The following UMPS variants were observed in gnomAD, a reference collection of about 807,000 sequenced individuals.
The protein encoded by UMPS is uridine 5'-monophosphate synthase.
In UMPS, 21 loss-of-function variants were observed where a neutral mutation model predicts 38.9. The ratio of observed to expected loss-of-function variants is 0.54; its 90% CI spans 0.38 to 0.78. The LOEUF is 0.78. Ranked by LOEUF, UMPS falls within the 30% of genes least tolerant of loss-of-function variation. UMPS has a pLI of 0.00. For missense variants in UMPS, 533 were observed against 591.6 expected (o/e 0.90, Z 1.03); for synonymous variants, 208 against 219.3 (o/e 0.95, Z 0.45).
chr3:124,742,426 G>A (rs2063563521), intron 5 of UMPS, 160 bp downstream of exon 5: 1 of 641,694 alleles, frequency 1.6e-6, no homozygotes, highest in Non-Finnish European at 2.8e-6. Context: ...CTTTGGACAA[G>A]TCAGTTTACT....
intron 1 of UMPS, among the ~76,000 whole-genome samples, chr3:124,733,123 G>A (rs1203454026): frequency 6.6e-6 from 1 of 152,074 alleles, no homozygotes; most frequent in Non-Finnish European, 1.5e-5. Context: ...TATAATTTAT[G>A]CTAAACTCTA....
chr3:124,733,973 A>G (rs2063498861), intron 1 of UMPS, among the ~76,000 whole-genome samples: 1 of 152,250 alleles, frequency 6.6e-6, no homozygotes, highest in African/African-American at 2.4e-5. Context: ...AGTTGGAAAA[A>G]GATGTAAAAA....
chr3:124,739,998 A>G (rs373307880), intron 3 of UMPS, 26 bp from the exon 4 acceptor site: 1 of 1,613,468 alleles, frequency 6.2e-7, no homozygotes. Flanking sequence ...AAATCAGCAA[A>G]TATCTTTTTT....
In UMPS at chr3:124,747,751, G is replaced by T; in HGVS notation, c.*3667G>T. On this transcript the variant is annotated 3_prime_UTR_variant, in exon 6 of 6. Transcript: ENST00000232607. ...TGGTTACCAGGAAGACAAAAACTGG[G>T]CTCCACCAGGAACCAGTCTTCTGCC... 1 of 452,072 alleles carries T rather than the reference G, an allele frequency of 2.2e-6. No individual in the cohort carries two copies. The highest frequency in any genetic ancestry group is 7.0e-5 in the East Asian group (1 of 14,320). The allele number at this position is 452,072 out of a possible 1,614,324, so 28.0% of individuals were successfully genotyped here.
At chr3:124,738,351 G>A (rs113699008) in intron 3 of UMPS, 112 bp downstream of exon 3, 98 of 1,203,450 alleles carry the variant, frequency 8.1e-5, no homozygotes, top group African/African-American at 3.6e-4. Context: ...GCTGTCAAGC[G>A]TGGTTGGATC....
chr3:124,733,136 T>C (rs1056492494), intron 1 of UMPS, among the ~76,000 whole-genome samples: 5 of 152,156 alleles, frequency 3.3e-5, no homozygotes, highest in Non-Finnish European at 5.9e-5. Flanking sequence ...AAACTCTAAC[T>C]TCCCTTAATA....
At position 124,730,536 on chromosome 3, in the gene UMPS, A is replaced by G; in HGVS notation, c.65A>G (p.Lys22Arg). The change falls in exon 1 of 6, where the codon AAG becomes AGG. Residue 22 changes from lysine to arginine, a missense_variant. Transcript: ENST00000232607. The part of the protein sequence containing the change: ...VTGLYDVQAF[K>R]FGDFVLKSGL... ...GGTCTGTACGACGTGCAGGCTTTCAAGTTTGGGGACTTCGTGCTGAAGAGC... is the reference window on the plus strand; with the variant it reads ...GGTCTGTACGACGTGCAGGCTTTCAGGTTTGGGGACTTCGTGCTGAAGAGC... 6.2e-7 allele frequency: 1 copy of G among 1,614,078 alleles called. No individual in the cohort carries two copies. Among genetic ancestry groups the G allele is most frequent in the Non-Finnish European group, 8.5e-7 (1 of 1,179,962 alleles).
rs3836305 is a variant in UMPS at position 124,744,139 on chromosome 3, CT to C, written c.*56del. On this transcript the variant is annotated 3_prime_UTR_variant, in exon 6 of 6. Transcript: ENST00000232607. ...GTGAAGACATTGAAGATATGTGGTCCTCCTGAAAGTCACTGGCTGGAAATAA... is the reference window on the plus strand; with the variant it reads ...GTGAAGACATTGAAGATATGTGGTCCCCTGAAAGTCACTGGCTGGAAATAA... 0.12 allele frequency: 193,770 copies of C among 1,600,284 alleles called. 12,656 individuals are homozygous for C. The highest frequency in any genetic ancestry group is 0.17 in the South Asian group (15,237 of 90,232).
At chr3:124,738,354 G>A in intron 3 of UMPS, 115 bp downstream of exon 3, 1 of 1,148,742 alleles carries the variant, frequency 8.7e-7, no homozygotes, top group Admixed American at 2.0e-5. Context: ...GTCAAGCGTG[G>A]TTGGATCCAG....
chr3:124,748,990 G>C lies in UMPS; in HGVS notation c.*4906G>C, dbSNP rs702039. On this transcript the variant is annotated 3_prime_UTR_variant, in exon 6 of 6. Transcript: ENST00000232607. ...TTCTCATGAGGACAACCATGTCTTC[G>C]GGGGTGCCCTTGTGCACAGACAGCT... The C allele has an allele frequency of 0.011, 4,828 of 453,994 alleles. 178 individuals are homozygous for C. The highest frequency in any genetic ancestry group is 0.087 in the African/African-American group (4,375 of 50,056). The allele number at this position is 453,994 out of a possible 1,614,324, so 28.1% of individuals were successfully genotyped here. A position where few individuals can be genotyped will look rare whatever the true frequency, so the allele number is the denominator to read the frequency against.
rs1312123806 is a variant in UMPS at position 124,731,525 on chromosome 3, A to C, written c.156+898A>C. The stretch of plus-strand genomic sequence containing the variant: ...TTTTAGATGGGATCTCTCTTACGTC[A>C]CCCAGGCTGGAGTGCAGCTCTGTGA... On this transcript the variant is annotated intron_variant, in intron 1 of 5. Coordinates refer to ENST00000232607, the MANE Select transcript of UMPS (RefSeq NM_000373.4). 4.8e-5 allele frequency: 21 copies of C among 436,594 alleles called. No homozygotes were observed. In the East Asian group the frequency reaches 1.6e-3, roughly 32 times the overall value. The allele number at this position is 436,594 out of a possible 1,614,324, so 27.0% of individuals were successfully genotyped here. A position where few individuals can be genotyped will look rare whatever the true frequency, so the allele number is the denominator to read the frequency against.
intron 5 of UMPS, chr3:124,742,478 A>T (rs1309206168): frequency 8.5e-6 from 5 of 587,828 alleles, no homozygotes; most frequent in African/African-American, 7.5e-5. Flanking sequence ...TGATAACAGT[A>T]TTGACCTCAT....
chr3:124,739,446 C>G (rs1164593236), intron 3 of UMPS, among the ~76,000 whole-genome samples: 1 of 152,182 alleles, frequency 6.6e-6, no homozygotes, highest in African/African-American at 2.4e-5. Context: ...ATCCTCCCAC[C>G]TCAGCCTCCC....
chr3:124,747,362 G>T lies in UMPS; in HGVS notation c.*3278G>T. 1 of 454,862 alleles carries T rather than the reference G, an allele frequency of 2.2e-6. No homozygotes were observed. The highest frequency in any genetic ancestry group is 1.5e-5 in the South Asian group (1 of 65,258). 28.2% of individuals were successfully genotyped at this position (454,862 alleles called of 1,614,324 possible). ...CCAACAGCAGAGGGTGCTGGCCGCT[G>T]AGCTAGCTGCTAATGCTGGCCTGGG... On this transcript the variant is annotated 3_prime_UTR_variant, in exon 6 of 6. Transcript: ENST00000232607.
Position 124,744,410 on chromosome 3 carries a change from C to G in UMPS, c.*326C>G, listed in dbSNP as rs1231635792. On this transcript the variant is annotated 3_prime_UTR_variant, in exon 6 of 6. Coordinates refer to ENST00000232607, the MANE Select transcript of UMPS (RefSeq NM_000373.4). Reference sequence around the variant, plus strand: ...CATGGGACTAGACTGCTTTGTTATTCTATTTATTTTTTAATTTTTTTCGAG... The same window carrying G: ...CATGGGACTAGACTGCTTTGTTATTGTATTTATTTTTTAATTTTTTTCGAG... The G allele has an allele frequency of 4.3e-6, 2 of 467,232 alleles. No homozygotes were observed. The highest frequency in any genetic ancestry group is 1.3e-4 in the East Asian group (2 of 15,410). The allele number at this position is 467,232 out of a possible 1,614,324, so 28.9% of individuals were successfully genotyped here.
chr3:124,744,810 C>T lies in UMPS; in HGVS notation c.*726C>T, dbSNP rs649652. 0.5 allele frequency: 228,841 copies of T among 453,692 alleles called. 59,001 individuals are homozygous for T. Among genetic ancestry groups the T allele is most frequent in the Admixed American group, 0.64 (27,222 of 42,562 alleles). 28.1% of individuals were successfully genotyped at this position (453,692 alleles called of 1,614,324 possible). The stretch of plus-strand genomic sequence containing the variant: ...TGTCTAATGTGTTGCCCAAATAATA[C>T]CTAATTGTTAGCCATTCCCCTCCAT... On this transcript the variant is annotated 3_prime_UTR_variant, in exon 6 of 6. Coordinates refer to ENST00000232607, the MANE Select transcript of UMPS (RefSeq NM_000373.4).
chr3:124,743,996 G>A lies in UMPS; in HGVS notation c.1355G>A (p.Gly452Asp), dbSNP rs765816876. Residue 452 changes from glycine (G) to aspartate (D), a missense_variant, in exon 6 of 6, where the codon GGC becomes GAC. Gly to Asp is a moderately conservative substitution (Grantham distance 94). Coordinates refer to ENST00000232607, the MANE Select transcript of UMPS (RefSeq NM_000373.4). ...RGSDIIIVGRGIISAADRLEA... is the reference protein window; with the variant it reads ...RGSDIIIVGRDIISAADRLEA... Reference sequence around the variant, plus strand: ...TCCGATATCATCATTGTAGGTCGTGGCATAATCTCAGCAGCTGATCGTCTG... The same window carrying A: ...TCCGATATCATCATTGTAGGTCGTGACATAATCTCAGCAGCTGATCGTCTG... 1.2e-6 allele frequency: 2 copies of A among 1,614,116 alleles called. No individual in the cohort carries two copies. Among genetic ancestry groups the A allele is most frequent in the Non-Finnish European group, 1.7e-6 (2 of 1,180,044 alleles).
At chr3:124,740,783 A>C (rs1311220320) in intron 4 of UMPS, among the ~76,000 whole-genome samples, 1 of 151,950 alleles carries the variant, frequency 6.6e-6, no homozygotes, top group Non-Finnish European at 1.5e-5. Context: ...TCGTCTCTAC[A>C]AAAAAATGAA....
chr3:124,740,925 G>A (rs1056335032), intron 4 of UMPS, among the ~76,000 whole-genome samples: 1 of 152,036 alleles, frequency 6.6e-6, no homozygotes, highest in Non-Finnish European at 1.5e-5. Context: ...CCTCAGCCTG[G>A]GCAAGAGTAA....
Sources: allele counts gnomAD v4.1 joint callset (sites outside exome capture counted in the v4.1 genomes callset), GRCh38; gene constraint gnomAD v4.1.1; transcripts MANE v1.5; gene names NCBI Gene and HGNC (gene_info 2026-07-23, HGNC 2026-07-21).